Variants in SPTAN1 observed in about 807,000 individuals in gnomAD.
The protein encoded by SPTAN1 is spectrin alpha chain, non-erythrocytic 1.
A neutral mutation model predicts 331.3 loss-of-function variants in SPTAN1; 61 were observed. The observed-to-expected ratio is 0.18, with a 90% CI of 0.15 to 0.23. SPTAN1 has a LOEUF of 0.23. Among genes scored for constraint, SPTAN1 ranks in the 10% least tolerant of loss-of-function variants. The pLI is 1.00. For missense variants in SPTAN1, 2,043 were observed against 3,147.9 expected (o/e 0.65, Z 8.40); for synonymous variants, 1,153 against 1,173.9 (o/e 0.98, Z 0.36).
intron 48 of SPTAN1, 64 bp from the exon 49 acceptor site, chr9:128,626,327 T>A: frequency 3.8e-6 from 6 of 1,594,732 alleles, no homozygotes; most frequent in Non-Finnish European, 4.3e-6. Flanking sequence ...GCACCCCACC[T>A]CCTGCACTGC....
At chr9:128,598,592 G>A in intron 25 of SPTAN1, 88 bp downstream of exon 25, 2 of 1,118,174 alleles carry the variant, frequency 1.8e-6, no homozygotes, top group Non-Finnish European at 2.7e-6. Flanking sequence ...AACAAGCAGT[G>A]TTTCATAACA....
intron 3 of SPTAN1, among the ~76,000 whole-genome samples, chr9:128,571,136 A>T (rs979180608): frequency 6.6e-6 from 1 of 152,128 alleles, no homozygotes; most frequent in South Asian, 2.1e-4. Flanking sequence ...AAAAAAATTT[A>T]AAAATTAGTG....
chr9:128,620,430 C>T (rs1420761261), intron 44 of SPTAN1, among the ~76,000 whole-genome samples: 2 of 152,000 alleles, frequency 1.3e-5, no homozygotes, highest in Admixed American at 1.3e-4. Context: ...AAGGAAAAGA[C>T]CTGGGGCCAG....
intron 46 of SPTAN1, 99 bp downstream of exon 46, chr9:128,624,586 T>C: frequency 3.4e-6 from 5 of 1,452,158 alleles, no homozygotes; most frequent in Non-Finnish European, 4.7e-6. Context: ...AACTGATCAA[T>C]TGTGGGCATG....
At chr9:128,555,845 A>G (rs926498968) in intron 1 of SPTAN1, among the ~76,000 whole-genome samples, 1 of 152,204 alleles carries the variant, frequency 6.6e-6, no homozygotes, top group Non-Finnish European at 1.5e-5. Context: ...TTTGACAAAT[A>G]TTGTAAACTT....
At chr9:128,567,782 C>T (rs1162632565) in intron 2 of SPTAN1, among the ~76,000 whole-genome samples, 2 of 150,672 alleles carry the variant, frequency 1.3e-5, no homozygotes, top group African/African-American at 2.4e-5. Context: ...TTTTTTGAGA[C>T]GGAGTTTTGC....
chr9:128,607,875 C>A lies in SPTAN1; in HGVS notation c.4170C>A (p.Ala1390=). The A allele has an allele frequency of 6.2e-7, 1 of 1,614,008 alleles. No individual in the cohort carries two copies. The highest frequency in any genetic ancestry group is 1.1e-5 in the South Asian group (1 of 91,072). The stretch of plus-strand genomic sequence containing the variant: ...AGGAACACCGGACAGAAATCGATGC[C>A]AGGGCTGGCACTTTCCAGGCATTTG... The part of the protein sequence containing the change: ...RHQEHRTEID[A]RAGTFQAFEQ... Residue 1390 remains alanine (A), a synonymous_variant, in exon 33 of 57, where the codon GCC becomes GCA. Transcript: ENST00000372739.
chr9:128,618,187 C>T, intron 43 of SPTAN1, 79 bp downstream of exon 43: 1 of 1,593,666 alleles, frequency 6.3e-7, no homozygotes, highest in Non-Finnish European at 8.6e-7. Flanking sequence ...TGTGGGGGTC[C>T]AGTGGGCCCT....
rs141409593 is a variant in SPTAN1 at position 128,613,396 on chromosome 9, G to A, written c.5059G>A (p.Ala1687Thr). ...TCATTGCCAGGTGGAGGCCCTGCTG[G>A]CATCCGAAGATTATGGCAAAGACCT... ...FWLSEVEALL[A>T]SEDYGKDLAS... Residue 1687 changes from alanine (A) to threonine (T), a missense_variant, in exon 40 of 57, where the codon GCA becomes ACA. Around this residue, in one of 12 missense-constraint regions of SPTAN1, gnomAD observed 323 missense variants for 581.1 expected, o/e 0.56. Transcript: ENST00000372739. 5 of 1,614,082 alleles carry A rather than the reference G, an allele frequency of 3.1e-6. No individual in the cohort carries two copies. The highest frequency in any genetic ancestry group is 4.2e-6 in the Non-Finnish European group (5 of 1,180,006).
chr9:128,626,009 G>T, intron 48 of SPTAN1, 31 bp downstream of exon 48: 1 of 1,611,256 alleles, frequency 6.2e-7, no homozygotes, highest in Non-Finnish European at 8.5e-7. Context: ...AGCTTAGCTG[G>T]CCCACAGCTC....
chr9:128,592,865 C>G, intron 22 of SPTAN1, 118 bp from the exon 23 acceptor site: 3 of 931,758 alleles, frequency 3.2e-6, no homozygotes, highest in Non-Finnish European at 5.2e-6. Context: ...TGAATAACTC[C>G]ATAGTTTCCC....
At chr9:128,594,424 T>A in intron 24 of SPTAN1, 51 bp downstream of exon 24, 34 of 1,307,598 alleles carry the variant, frequency 2.6e-5, no homozygotes, top group Non-Finnish European at 3.2e-5. Context: ...GATTTGAGTC[T>A]CTTGATTTTT....
Position 128,583,909 on chromosome 9 carries a change from C to T in SPTAN1, c.2133C>T (p.Thr711=). 1 of 1,614,186 alleles carries T rather than the reference C, an allele frequency of 6.2e-7. No individual in the cohort carries two copies. The part of the protein sequence containing the change: ...LASDDYGKDL[T]NVQNLQKKHA... The stretch of plus-strand genomic sequence containing the variant: ...CGGATGATTACGGCAAAGATCTTAC[C>T]AATGTGCAGAACCTCCAGAAGAAAC... The change falls in exon 16 of 57, where the codon ACC becomes ACT. Residue 711 remains threonine, a synonymous_variant. Coordinates refer to ENST00000372739, the MANE Select transcript of SPTAN1 (RefSeq NM_001130438.3).
chr9:128,628,945 C>G (rs2132021061), intron 51 of SPTAN1: 1 of 390,954 alleles, frequency 2.6e-6, no homozygotes, highest in East Asian at 3.6e-5. Context: ...GCCCATCTTG[C>G]CCATTCCTAG....
intron 45 of SPTAN1, 141 bp from the exon 46 acceptor site, chr9:128,624,187 T>C: frequency 1.2e-6 from 1 of 868,196 alleles, no homozygotes; most frequent in Admixed American, 2.0e-5. Context: ...ACAAAAGCCT[T>C]ACCCTATCAT....
rs1013786773 is a variant in SPTAN1 at position 128,604,428 on chromosome 9, AGCC to A, written c.3719+12_3719+14del. On this transcript the variant is annotated intron_variant, in intron 29 of 56. Transcript: ENST00000372739. ...ACAGAGGTTCCACAGGTGAGGGGTC[AGCC>A]CTGGGCTGGGAGAGGGAGAAACAGG... 3 of 1,611,184 alleles carry A rather than the reference AGCC, an allele frequency of 1.9e-6. No individual in the cohort carries two copies. The African/African-American group carries it at 4.0e-5, about 22-fold the overall frequency.
chr9:128,559,170 A>C (rs1848995825), intron 1 of SPTAN1, among the ~76,000 whole-genome samples: 1 of 152,182 alleles, frequency 6.6e-6, no homozygotes, highest in Admixed American at 6.5e-5. Context: ...CTACTGCAGG[A>C]AAGAAAAGTC....
intron 3 of SPTAN1, among the ~76,000 whole-genome samples, chr9:128,573,719 G>T (rs564667478): frequency 7.3e-4 from 111 of 152,252 alleles, no homozygotes; most frequent in African/African-American, 2.6e-3. Flanking sequence ...CTTCCAAAGT[G>T]CTGGGATTAC....
chr9:128,585,513 C>T (rs140117961), intron 18 of SPTAN1, among the ~76,000 whole-genome samples: 170 of 152,104 alleles, frequency 1.1e-3, no homozygotes, highest in Non-Finnish European at 1.8e-3. Flanking sequence ...TGCCAACTTG[C>T]GATATCTGCT....
Sources: allele counts gnomAD v4.1 joint callset (sites outside exome capture counted in the v4.1 genomes callset), GRCh38; gene constraint gnomAD v4.1.1; regional missense constraint gnomAD v4.1.1; transcripts MANE v1.5; gene names NCBI Gene and HGNC (gene_info 2026-07-23, HGNC 2026-07-21).